The following HELLS variants were observed in gnomAD, a reference collection of about 807,000 sequenced individuals.
HELLS encodes lymphoid-specific helicase.
Under a neutral mutation model 120.0 loss-of-function variants are expected in HELLS, and 32 were observed. The ratio of observed to expected loss-of-function variants is 0.27; its 90% CI spans 0.20 to 0.36. The LOEUF (loss-of-function observed/expected upper bound fraction) is 0.36. HELLS is among the 10% of genes least tolerant of loss of function. HELLS has a pLI of 1.00. For synonymous variants in HELLS, 341 were observed against 323.4 expected, an observed-to-expected ratio of 1.05 and a Z score of -0.58; for missense variants, 650 against 993.4, an observed-to-expected ratio of 0.65 and a Z score of 4.65.
chr10:94,609,546 G>A (rs971420750), intron 9 of HELLS, among the ~76,000 whole-genome samples: 33 of 152,106 alleles, frequency 2.2e-4, no homozygotes, highest in African/African-American at 7.5e-4. Flanking sequence ...AGAATCCCTC[G>A]TGAGACCAGA....
chr10:94,582,907 C>A (rs772782905), intron 11 of HELLS, 56 bp from the exon 12 acceptor site: 7 of 899,288 alleles, frequency 7.8e-6, no homozygotes, highest in African/African-American at 3.3e-5. Context: ...AATCATGTAT[C>A]ATGTTGACAT....
chr10:94,595,244 A>G (rs1197389099), intron 19 of HELLS, among the ~76,000 whole-genome samples: 1 of 152,040 alleles, frequency 6.6e-6, no homozygotes, highest in Non-Finnish European at 1.5e-5. Context: ...AAAAATATTA[A>G]CAGCCTGATA....
chr10:94,575,829 CTGT>C (rs1353139705), intron 9 of HELLS, among the ~76,000 whole-genome samples: 12 of 147,956 alleles, frequency 8.1e-5, no homozygotes, highest in African/African-American at 2.5e-5. Flanking sequence ...CAGAGTTTCA[CTGT>C]TGTTGCCCAG....
chr10:94,591,472 G>A (rs1055440806), intron 15 of HELLS, among the ~76,000 whole-genome samples: 1 of 152,180 alleles, frequency 6.6e-6, no homozygotes, highest in African/African-American at 2.4e-5. Flanking sequence ...TTTCAAGGTA[G>A]TTTACAATAG....
intron 6 of HELLS, among the ~76,000 whole-genome samples, chr10:94,565,334 C>CA (rs997085634): frequency 1.5e-4 from 22 of 147,484 alleles, no homozygotes; most frequent in African/African-American, 3.0e-4. Context: ...GACTCTGTCT[C>CA]AAAAAAAACA....
intron 2 of HELLS, among the ~76,000 whole-genome samples, chr10:94,553,771 C>G (rs1005154711): frequency 2.6e-5 from 4 of 151,924 alleles, no homozygotes; most frequent in Non-Finnish European, 5.9e-5. Flanking sequence ...TGGTCTCGAA[C>G]CCCCGACCTC....
chr10:94,611,328 A>G (rs1327508431), exon 10 of HELLS: 1 of 152,196 alleles, frequency 6.6e-6, no homozygotes, highest in Non-Finnish European at 1.5e-5. Flanking sequence ...AGGACATGGT[A>G]AGTGAAAGAG....
intron 7 of HELLS, among the ~76,000 whole-genome samples, chr10:94,573,029 G>A (rs987880605): frequency 6.6e-6 from 1 of 151,328 alleles, no homozygotes; most frequent in Admixed American, 6.6e-5. Flanking sequence ...GCACGATCTC[G>A]GCTCACTGTA....
In HELLS at chr10:94,574,722, A is replaced by G; in HGVS notation, c.874A>G (p.Arg292Gly). The G allele has an allele frequency of 1.9e-6, 3 of 1,612,842 alleles. No individual in the cohort carries two copies. The highest frequency in any genetic ancestry group is 1.3e-5 in the African/African-American group (1 of 75,014). The stretch of plus-strand genomic sequence containing the variant: ...TCCTAACTGGATGGCTGAATTCAAA[A>G]GATTTACACCAGATGTAAGACATGC... Reference protein sequence around the residue: ...TLPNWMAEFKRFTPDIPTMLY... With the variant: ...TLPNWMAEFKGFTPDIPTMLY... The change falls in exon 9 of 22, where the codon AGA becomes GGA. Residue 292 changes from arginine to glycine, a missense_variant. Around this residue, in one of 9 missense-constraint regions of HELLS, gnomAD observed 61 missense variants for 86.5 expected, o/e 0.71. Transcript: ENST00000348459.
intron 2 of HELLS, among the ~76,000 whole-genome samples, chr10:94,552,875 A>G (rs1316399232): frequency 1.3e-5 from 2 of 152,006 alleles, no homozygotes; most frequent in African/African-American, 4.8e-5. Context: ...GCTACTTGGG[A>G]GGCTGAGGTG....
intron 9 of HELLS, among the ~76,000 whole-genome samples, chr10:94,575,248 T>A (rs1253104910): frequency 1.3e-5 from 2 of 151,740 alleles, no homozygotes; most frequent in Admixed American, 1.3e-4. Flanking sequence ...TACAAGCATG[T>A]GCCACCATGC....
In HELLS at chr10:94,578,871, C is replaced by A. The variant is rs772287717; in HGVS notation, c.1032+2066C>A. Among the ~76,000 whole-genome samples the A allele has an allele frequency of 2.3e-3, 357 of 152,232 alleles. 1 individual carries two copies. The highest frequency in any genetic ancestry group is 4.3e-3 in the Non-Finnish European group (295 of 67,998). On this transcript the variant is annotated intron_variant, in intron 10 of 21. Coordinates refer to ENST00000348459, the MANE Select transcript of HELLS (RefSeq NM_018063.5). ...TGCAGTTCACAATAGTGTTCATGCT[C>A]CTATGAGAATATAATGTCTCCTGAT...
chr10:94,555,894 T>G (rs2134002165), intron 3 of HELLS, among the ~76,000 whole-genome samples: 1 of 152,320 alleles, frequency 6.6e-6, no homozygotes, highest in East Asian at 1.9e-4. Context: ...CCCAAAGTGC[T>G]GGGATTACAG....
chr10:94,555,143 AAAAAT>A (rs1843188337), intron 3 of HELLS, among the ~76,000 whole-genome samples: 1 of 151,732 alleles, frequency 6.6e-6, no homozygotes, highest in Non-Finnish European at 1.5e-5. Flanking sequence ...ACCCTGTCTC[AAAAAT>A]AAAACAGGCT....
chr10:94,585,873 A>C (rs2134092299), intron 12 of HELLS, among the ~76,000 whole-genome samples: 1 of 152,064 alleles, frequency 6.6e-6, no homozygotes, highest in South Asian at 2.1e-4. Flanking sequence ...AGGTCCAGCT[A>C]ATTTTTGGTA....
At chr10:94,552,138 T>G (rs1350032364) in intron 2 of HELLS, among the ~76,000 whole-genome samples, 3 of 152,196 alleles carry the variant, frequency 2.0e-5, no homozygotes, top group Non-Finnish European at 4.4e-5. Flanking sequence ...TAGATTTTAT[T>G]GGTTGACTTT....
intron 10 of HELLS, among the ~76,000 whole-genome samples, chr10:94,580,113 A>T (rs1844749769): frequency 1.1e-5 from 1 of 92,490 alleles, no homozygotes; most frequent in African/African-American, 4.5e-5. Context: ...TACCCATTAT[A>T]AAAGTATATA....
chr10:94,606,812 ATC>A (rs1339334163), downstream of HELLS, among the ~76,000 whole-genome samples: 34 of 152,328 alleles, frequency 2.2e-4, no homozygotes, highest in African/African-American at 8.2e-4. Flanking sequence ...GCTAGAAGAA[ATC>A]TCTCTAAGCT....
chr10:94,546,490 C>T lies in HELLS; in HGVS notation c.145C>T (p.Leu49=). 4.3e-6 allele frequency: 7 copies of T among 1,614,048 alleles called. No homozygotes were observed. Among genetic ancestry groups the T allele is most frequent in the Non-Finnish European group, 5.9e-6 (7 of 1,180,010 alleles). The change falls in exon 2 of 22, where the codon CTG becomes TTG. Residue 49 remains leucine (L), a synonymous_variant. Coordinates refer to ENST00000348459, the MANE Select transcript of HELLS (RefSeq NM_018063.5). ...AAGLERERKM[L]EKARMSWDRE... is the part of the protein sequence containing the mutation. ...TGGACTAGAGAGAGAGCGGAAGATG[C>T]TGGAAAAGGTAATTTAGGCATCAGG... is the stretch of plus-strand genomic sequence containing the variant.
Sources: gnomAD v4.1 joint callset for allele counts (sites outside exome capture counted in the v4.1 genomes callset) on GRCh38, gnomAD v4.1.1 for gene constraint, gnomAD v4.1.1 regional missense constraint, MANE v1.5 for transcripts, NCBI Gene and HGNC (gene_info 2026-07-23, HGNC 2026-07-21) for gene names.